Variants in N4BP2 observed in about 807,000 individuals in gnomAD.
N4BP2 encodes the protein NEDD4 binding protein 2, also known as NEDD4-binding protein 2.
N4BP2 carries 91 observed loss-of-function variants against 152.8 expected under a neutral mutation model. The observed-to-expected ratio is 0.60, with a 90% CI of 0.50 to 0.71. N4BP2 has a LOEUF of 0.71. N4BP2 is among the 30% of genes least tolerant of loss of function. The pLI is 0.00. For synonymous variants in N4BP2, 646 were observed against 705.3 expected, an observed-to-expected ratio of 0.92 and a Z score of 1.33; for missense variants, 1,923 against 2,059.1, an observed-to-expected ratio of 0.93 and a Z score of 1.28.
chr4:40,126,260 C>CT lies in N4BP2; in HGVS notation c.4458dup (p.Gln1487SerfsTer3). The CT allele has an allele frequency of 6.3e-7, 1 of 1,598,920 alleles. No homozygotes were observed. Among genetic ancestry groups the CT allele is most frequent in the African/African-American group, 1.3e-5 (1 of 74,298 alleles). On this transcript the variant is annotated frameshift_variant, in exon 12 of 18. Coordinates refer to ENST00000261435, the MANE Select transcript of N4BP2 (RefSeq NM_018177.6). LOFTEE classifies it high-confidence loss of function. ...CTACCTTTATTGGATCATTGGAATACTCAAACTAAAAAAGTATCACTCAGA... is the reference window on the plus strand; with the variant it reads ...CTACCTTTATTGGATCATTGGAATACTTCAAACTAAAAAAGTATCACTCAGA...
intron 16 of N4BP2, among the ~76,000 whole-genome samples, chr4:40,146,295 C>G: frequency 6.6e-6 from 1 of 151,944 alleles, no homozygotes; most frequent in Non-Finnish European, 1.5e-5. Context: ...GTTTTTTTCT[C>G]CTTTTCTGTA....
chr4:40,127,998 T>G (rs554674815), intron 12 of N4BP2, among the ~76,000 whole-genome samples: 1 of 152,236 alleles, frequency 6.6e-6, no homozygotes, highest in African/African-American at 2.4e-5. Context: ...TAGAAACTTA[T>G]GAGTTTGAAT....
chr4:40,139,479 A>G lies in N4BP2; in HGVS notation c.4785+2397A>G, dbSNP rs182774284. On this transcript the variant is annotated intron_variant, in intron 14 of 17. Coordinates refer to ENST00000261435, the MANE Select transcript of N4BP2 (RefSeq NM_018177.6). ...GTTGGGTTTTTTGTATTAATTTTGTATCAGCATTAGGCTTTTTTTTTTTTT... is the reference window on the plus strand; with the variant it reads ...GTTGGGTTTTTTGTATTAATTTTGTGTCAGCATTAGGCTTTTTTTTTTTTT... 3.3e-4 allele frequency among the ~76,000 whole-genome samples: 48 copies of G among 146,922 alleles called. No homozygotes were observed. In the East Asian group the frequency reaches 9.3e-3, roughly 28 times the overall value.
At chr4:40,134,217 A>AT (rs1161441284) in intron 13 of N4BP2, among the ~76,000 whole-genome samples, 2 of 152,094 alleles carry the variant, frequency 1.3e-5, no homozygotes, top group African/African-American at 4.8e-5. Context: ...TTTCTTATTT[A>AT]TTTTTGCTAC....
At chr4:40,093,072 C>T (rs182943059) in intron 2 of N4BP2, among the ~76,000 whole-genome samples, 2,045 of 151,086 alleles carry the variant, frequency 0.014, 30 homozygotes, top group Middle Eastern at 0.048. Flanking sequence ...GTCTCCGGAG[C>T]AGCTAGGATT....
At chr4:40,100,198 G>A (rs1715504622) in intron 3 of N4BP2, 1 of 421,764 alleles carries the variant, frequency 2.4e-6, no homozygotes, top group Non-Finnish European at 4.8e-6. Context: ...TGTTGAAAGT[G>A]TCATAGCCAG....
intron 11 of N4BP2, among the ~76,000 whole-genome samples, 180 bp from the exon 12 acceptor site, chr4:40,125,954 A>G (rs925855196): frequency 1.3e-5 from 2 of 152,058 alleles, no homozygotes; most frequent in African/African-American, 4.8e-5. Flanking sequence ...ATTAACACAT[A>G]CTATTTCTTA....
intron 6 of N4BP2, among the ~76,000 whole-genome samples, chr4:40,112,712 T>G (rs114497467): frequency 0.026 from 4,031 of 152,168 alleles, 172 homozygotes; most frequent in African/African-American, 0.091. Flanking sequence ...CCTTTTTTTT[T>G]TTGTTGTTGA....
chr4:40,112,355 G>A (rs1251367485), intron 6 of N4BP2, among the ~76,000 whole-genome samples, 183 bp downstream of exon 6: 1 of 152,044 alleles, frequency 6.6e-6, no homozygotes, highest in Non-Finnish European at 1.5e-5. Flanking sequence ...TTTCCATAAA[G>A]TTAAAGTTTT....
intron 1 of N4BP2, among the ~76,000 whole-genome samples, chr4:40,072,446 A>G (rs1431014789): frequency 4.0e-5 from 6 of 151,524 alleles, no homozygotes; most frequent in African/African-American, 1.5e-4. Flanking sequence ...GGGTTTCGCC[A>G]TGTTTGCCAG....
Position 40,060,582 on chromosome 4 carries a change from T to C in N4BP2, c.-212+3552T>C, listed in dbSNP as rs375781383. Among the ~76,000 whole-genome samples, 25 of 150,436 alleles carry C rather than the reference T, an allele frequency of 1.7e-4. No homozygotes were observed. In the East Asian group the frequency reaches 3.0e-3, roughly 18 times the overall value. The stretch of plus-strand genomic sequence containing the variant: ...AAAATTAAAAGAGGCTTTAATAAAT[T>C]TATGTGGCTAAGTAGCTAGATTTTT... On this transcript the variant is annotated intron_variant, in intron 1 of 17. Coordinates refer to ENST00000261435, the MANE Select transcript of N4BP2 (RefSeq NM_018177.6).
the N4BP2 span, among the ~76,000 whole-genome samples, chr4:40,187,723 C>T: frequency 1.3e-5 from 2 of 152,224 alleles, no homozygotes; most frequent in Non-Finnish European, 1.5e-5. Context: ...CAATCACACA[C>T]CTCATCTATA....
At chr4:40,059,248 GCTAT>G (rs1733469704) in intron 1 of N4BP2, among the ~76,000 whole-genome samples, 1 of 152,114 alleles carries the variant, frequency 6.6e-6, no homozygotes, top group Non-Finnish European at 1.5e-5. Context: ...CAGAAAAATA[GCTAT>G]CTACCTTCTT....
intron 1 of N4BP2, among the ~76,000 whole-genome samples, chr4:40,072,370 T>C (rs1712289634): frequency 1.3e-5 from 2 of 151,350 alleles, no homozygotes; most frequent in African/African-American, 2.4e-5. Context: ...CTCAGCCTCC[T>C]GAGTAGCTGG....
the N4BP2 span, among the ~76,000 whole-genome samples, chr4:40,182,378 G>A: frequency 6.6e-6 from 1 of 152,188 alleles, no homozygotes; most frequent in African/African-American, 2.4e-5. Flanking sequence ...AGGCAGTAGG[G>A]AGCCAAATAG....
intron 15 of N4BP2, 115 bp downstream of exon 15, chr4:40,142,976 T>C: frequency 1.2e-6 from 1 of 803,272 alleles, no homozygotes; most frequent in Non-Finnish European, 2.0e-6. Flanking sequence ...AATGTAGTAG[T>C]TATGTAAGTG....
chr4:40,183,978 G>A, the N4BP2 span, among the ~76,000 whole-genome samples: 2 of 152,204 alleles, frequency 1.3e-5, no homozygotes, highest in African/African-American at 2.4e-5. Flanking sequence ...CCAGGAGCAA[G>A]CAAGACTTTC....
At chr4:40,178,393 C>A in the N4BP2 span, among the ~76,000 whole-genome samples, 3 of 150,158 alleles carry the variant, frequency 2.0e-5, no homozygotes, top group Admixed American at 1.3e-4. Context: ...GGAAAACCTC[C>A]GGCAAGACTA....
At chr4:40,147,596 C>G (rs1448401812) in intron 16 of N4BP2, among the ~76,000 whole-genome samples, 2 of 150,118 alleles carry the variant, frequency 1.3e-5, no homozygotes, top group Non-Finnish European at 3.0e-5. Flanking sequence ...CTGACCCCCC[C>G]ACCTCCCTCC....
Sources: allele counts gnomAD v4.1 joint callset (sites outside exome capture counted in the v4.1 genomes callset), GRCh38; gene constraint gnomAD v4.1.1; transcripts MANE v1.5; gene names NCBI Gene and HGNC (gene_info 2026-07-23, HGNC 2026-07-21).